AFG3L2: variants seen among roughly 807,000 people sequenced by gnomAD.
AFG3L2 encodes the protein mitochondrial inner membrane m-AAA protease component AFG3L2.
A neutral mutation model predicts 94.5 loss-of-function variants in AFG3L2; 54 were observed. The observed-to-expected ratio is 0.57, with a 90% CI of 0.46 to 0.72. The LOEUF is 0.72. AFG3L2 is among the 30% of genes least tolerant of loss of function. The probability of loss-of-function intolerance (pLI) is 0.00; values close to 1 mark genes in which losing one functional copy is unlikely to be tolerated. For synonymous variants in AFG3L2, 377 were observed against 365.5 expected, an observed-to-expected ratio of 1.03 and a Z score of -0.36; for missense variants, 754 against 994.9, an observed-to-expected ratio of 0.76 and a Z score of 3.26.
chr18:12,370,501 C>T (rs1160908555), intron 3 of AFG3L2, among the ~76,000 whole-genome samples: 2 of 130,682 alleles, frequency 1.5e-5, no homozygotes, highest in African/African-American at 6.0e-5. Flanking sequence ...GAGACAGGGT[C>T]TCTCTGTTGC....
chr18:12,339,692 C>CA (rs1368631881), intron 15 of AFG3L2, among the ~76,000 whole-genome samples: 1 of 149,324 alleles, frequency 6.7e-6, no homozygotes. Flanking sequence ...ACTAAAAATA[C>CA]AAAAAAATCA....
intron 1 of AFG3L2, among the ~76,000 whole-genome samples, chr18:12,376,548 C>G (rs1301541576): frequency 6.6e-6 from 1 of 152,182 alleles, no homozygotes; most frequent in Admixed American, 6.5e-5. Flanking sequence ...GACGGGAACA[C>G]GGAGACTCGG....
intron 4 of AFG3L2, 75 bp from the exon 5 acceptor site, chr18:12,367,192 C>T: frequency 6.2e-7 from 1 of 1,612,146 alleles, no homozygotes; most frequent in Non-Finnish European, 8.5e-7. Flanking sequence ...AGACACAAAT[C>T]CCTCCAACAC....
intron 6 of AFG3L2, chr18:12,360,356 G>T: frequency 9.1e-6 from 3 of 328,790 alleles, no homozygotes; most frequent in Non-Finnish European, 1.7e-5. Context: ...AAATAAATAT[G>T]CATTATTTCC....
rs1221537321 is a variant in AFG3L2 at position 12,353,171 on chromosome 18, A to G, written c.1165-13T>C. ...ATAAGTCTCGGACCTTGGCAAAAAC[A>G]GAAAGAGAGTCACCTGACCAGAGAA... On this transcript the variant is annotated splice_polypyrimidine_tract_variant and intron_variant, in intron 9 of 16. Coordinates refer to ENST00000269143, the MANE Select transcript of AFG3L2 (RefSeq NM_006796.3). 10 of 1,613,838 alleles carry G rather than the reference A, an allele frequency of 6.2e-6. No homozygotes were observed. The highest frequency in any genetic ancestry group is 5.1e-6 in the Non-Finnish European group (6 of 1,179,812).
intron 12 of AFG3L2, among the ~76,000 whole-genome samples, chr18:12,349,682 G>A (rs1908252566): frequency 6.6e-6 from 1 of 152,024 alleles, no homozygotes; most frequent in Non-Finnish European, 1.5e-5. Flanking sequence ...TTTTTTTGAG[G>A]TGGAGTTTTG....
chr18:12,332,981 A>ACTAT (rs1437198506), intron 16 of AFG3L2, among the ~76,000 whole-genome samples: 5 of 37,280 alleles, frequency 1.3e-4, no homozygotes, highest in Non-Finnish European at 3.0e-4. Context: ...TATATTATAT[A>ACTAT]AATATATTAT....
chr18:12,346,862 C>T (rs1379201619), intron 13 of AFG3L2, among the ~76,000 whole-genome samples: 1 of 133,242 alleles, frequency 7.5e-6, no homozygotes, highest in Admixed American at 8.7e-5. Flanking sequence ...CAAGATCAAG[C>T]CACTGCACTT....
chr18:12,360,743 C>CTGACTGAATA (rs1439031969), intron 6 of AFG3L2, among the ~76,000 whole-genome samples: 1 of 152,224 alleles, frequency 6.6e-6, no homozygotes, highest in African/African-American at 2.4e-5. Context: ...CTCGTGTCTA[C>CTGACTGAATA]TGACTGAATA....
chr18:12,360,333 G>A (rs547458294), intron 6 of AFG3L2: 10 of 376,470 alleles, frequency 2.7e-5, no homozygotes, highest in African/African-American at 6.3e-5. Context: ...ATTTGAAAAC[G>A]TAATCCTTTT....
Position 12,337,483 on chromosome 18 carries a change from G to A in AFG3L2, c.2033C>T (p.Pro678Leu). ...CTCCAATACCATGTCCCCCTGACGT[G>A]GGAGGTCAAAGGAGATTTGCCCAAC... The part of the protein sequence containing the change: ...EKVGQISFDL[P>L]RQGDMVLEKP... Residue 678 changes from proline (P) to leucine (L), a missense_variant, in exon 16 of 17, where the codon CCA becomes CTA. Pro to Leu is a moderately conservative substitution (Grantham distance 98). This residue lies in a region of AFG3L2 where 279 missense variants were observed against 378.6 expected (regional missense o/e 0.74). Coordinates refer to ENST00000269143, the MANE Select transcript of AFG3L2 (RefSeq NM_006796.3). 1 of 1,614,240 alleles carries A rather than the reference G, an allele frequency of 6.2e-7. No individual in the cohort carries two copies.
chr18:12,351,537 C>G (rs1908316905), intron 10 of AFG3L2, 124 bp from the exon 11 acceptor site: 5 of 840,228 alleles, frequency 6.0e-6, no homozygotes, highest in Non-Finnish European at 9.7e-6. Context: ...TATTCATTAT[C>G]TAGTGTTTTT....
Position 12,335,827 on chromosome 18 carries a change from A to C in AFG3L2, c.2175+1514T>G, listed in dbSNP as rs528837509. 4.6e-5 allele frequency among the ~76,000 whole-genome samples: 7 copies of C among 152,230 alleles called. No individual in the cohort carries two copies. The East Asian group carries it at 1.3e-3, about 29-fold the overall frequency. On this transcript the variant is annotated intron_variant, in intron 16 of 16. Coordinates refer to ENST00000269143, the MANE Select transcript of AFG3L2 (RefSeq NM_006796.3). ...CTCAGAGCCCTGCTGCATGCTTTCC[A>C]GTGTTTTGGGGATGCTGGTGCTCAC... is the stretch of plus-strand genomic sequence containing the variant.
intron 16 of AFG3L2, among the ~76,000 whole-genome samples, chr18:12,332,123 ATT>A (rs10689491): frequency 3.8e-5 from 5 of 131,694 alleles, no homozygotes; most frequent in African/African-American, 1.4e-4. Flanking sequence ...TCATAAAATG[ATT>A]TTTTTTTTTT....
At chr18:12,351,062 G>C in intron 12 of AFG3L2, 23 bp downstream of exon 12, 1 of 1,611,988 alleles carries the variant, frequency 6.2e-7, no homozygotes, top group Non-Finnish European at 8.5e-7. Flanking sequence ...TTCTAAATAG[G>C]GTCCTCGTTA....
chr18:12,344,121 C>T lies in AFG3L2; in HGVS notation c.1779+11G>A. On this transcript the variant is annotated intron_variant, in intron 14 of 16. Coordinates refer to ENST00000269143, the MANE Select transcript of AFG3L2 (RefSeq NM_006796.3). ...ATGCACTGGCTGCCTAGTGCAGCTA[C>T]CCTGCTTCACCTTTAAAAGCGGGTC... 1.2e-6 allele frequency: 2 copies of T among 1,611,556 alleles called. No homozygotes were observed. The highest frequency in any genetic ancestry group is 2.2e-5 in the South Asian group (2 of 90,992).
intron 2 of AFG3L2, 110 bp downstream of exon 2, chr18:12,371,482 C>G: frequency 3.5e-6 from 3 of 847,040 alleles, no homozygotes; most frequent in Non-Finnish European, 6.0e-6. Flanking sequence ...GATGACATAT[C>G]TTCATCGCTG....
chr18:12,366,171 C>T (rs1306336695), intron 5 of AFG3L2, among the ~76,000 whole-genome samples: 2 of 152,074 alleles, frequency 1.3e-5, no homozygotes, highest in African/African-American at 4.8e-5. Flanking sequence ...CCACTACGCC[C>T]GGCCACTGCA....
At chr18:12,344,323 A>G in intron 13 of AFG3L2, 76 bp from the exon 14 acceptor site, 1 of 1,210,110 alleles carries the variant, frequency 8.3e-7, no homozygotes, top group Non-Finnish European at 1.2e-6. Context: ...ATACAGTGCT[A>G]TACATTGCCT....
Sources: gnomAD v4.1 joint callset for allele counts (sites outside exome capture counted in the v4.1 genomes callset) on GRCh38, gnomAD v4.1.1 for gene constraint, gnomAD v4.1.1 regional missense constraint, MANE v1.5 for transcripts, NCBI Gene and HGNC (gene_info 2026-07-23, HGNC 2026-07-21) for gene names.